The following OR51B5 variants were observed in gnomAD, a reference collection of about 807,000 sequenced individuals.
The protein encoded by OR51B5 is olfactory receptor family 51 subfamily B member 5, also known as olfactory receptor 51B5.
For synonymous variants in OR51B5, 186 were observed against 144.8 expected, an observed-to-expected ratio of 1.28 and a Z score of -2.04; for missense variants, 456 against 374.6, an observed-to-expected ratio of 1.22 and a Z score of -1.79.
At chr11:5,484,880 C>G (rs1851478056) in intron 1 of OR51B5, among the ~76,000 whole-genome samples, 3 of 152,136 alleles carry the variant, frequency 2.0e-5, no homozygotes, top group Non-Finnish European at 2.9e-5. Context: ...GAGAATAAAC[C>G]TGCCTTTTAA....
intron 1 of OR51B5, among the ~76,000 whole-genome samples, chr11:5,408,554 C>T (rs1177129306): frequency 6.6e-6 from 1 of 152,136 alleles, no homozygotes; most frequent in Non-Finnish European, 1.5e-5. Flanking sequence ...TGGTCTGGTG[C>T]TATTAGCTAG....
chr11:5,495,538 T>C (rs1453230827), intron 1 of OR51B5, among the ~76,000 whole-genome samples: 1 of 152,214 alleles, frequency 6.6e-6, no homozygotes, highest in Non-Finnish European at 1.5e-5. Context: ...AATAGACTCA[T>C]GTTTTATGCA....
At chr11:5,418,743 G>A (rs1057224183) in intron 1 of OR51B5, among the ~76,000 whole-genome samples, 1 of 151,994 alleles carries the variant, frequency 6.6e-6, no homozygotes, top group South Asian at 2.1e-4. Context: ...TGGGGGGTTA[G>A]GGGAGGGATA....
chr11:5,361,193 T>C (rs543795923), intron 1 of OR51B5, among the ~76,000 whole-genome samples: 4 of 152,272 alleles, frequency 2.6e-5, no homozygotes, highest in African/African-American at 9.6e-5. Flanking sequence ...CCTCCCTACA[T>C]TTTCTTTTCT....
chr11:5,373,626 G>A (rs7124299), intron 1 of OR51B5, among the ~76,000 whole-genome samples: 40,745 of 151,956 alleles, frequency 0.27, 5,731 homozygotes, highest in African/African-American at 0.32. Flanking sequence ...ACTCCCACCC[G>A]AATACTGTGC....
At chr11:5,389,949 T>C (rs1849767668) in intron 1 of OR51B5, 1 of 1,611,448 alleles carries the variant, frequency 6.2e-7, no homozygotes, top group South Asian at 1.1e-5. Context: ...TGTGGATCTG[T>C]GGTCCTCTCC....
intron 1 of OR51B5, among the ~76,000 whole-genome samples, chr11:5,348,980 G>T (rs1300205950): frequency 1.3e-5 from 2 of 152,154 alleles, no homozygotes; most frequent in Non-Finnish European, 2.9e-5. Flanking sequence ...GAGAATATAT[G>T]AAAGTTAACA....
At chr11:5,363,856 C>G (rs1047021521) in intron 1 of OR51B5, among the ~76,000 whole-genome samples, 1 of 152,170 alleles carries the variant, frequency 6.6e-6, no homozygotes, top group Non-Finnish European at 1.5e-5. Context: ...ATTATGTTCC[C>G]TAGCTGTCTT....
intron 1 of OR51B5, chr11:5,468,627 G>A: frequency 4.4e-6 from 2 of 455,630 alleles, no homozygotes; most frequent in Non-Finnish European, 4.4e-6. Flanking sequence ...CTCCCAAATC[G>A]ATGAACCATG....
At chr11:5,444,046 T>C (rs1453894059) in intron 1 of OR51B5, among the ~76,000 whole-genome samples, 1 of 152,222 alleles carries the variant, frequency 6.6e-6, no homozygotes, top group Non-Finnish European at 1.5e-5. Flanking sequence ...ATTGGTATTA[T>C]GCAATATATT....
At chr11:5,352,716 T>C (rs556603770) in intron 1 of OR51B5, among the ~76,000 whole-genome samples, 7 of 151,962 alleles carry the variant, frequency 4.6e-5, no homozygotes, top group African/African-American at 1.7e-4. Context: ...TCACATTGTT[T>C]GATTAGCTTA....
At chr11:5,483,487 C>T (rs568640443) in intron 1 of OR51B5, among the ~76,000 whole-genome samples, 86 of 125,712 alleles carry the variant, frequency 6.8e-4, no homozygotes, top group African/African-American at 2.7e-3. Context: ...TGCACATGTA[C>T]CCTAAAACTT....
intron 1 of OR51B5, among the ~76,000 whole-genome samples, chr11:5,457,901 C>T (rs963850149): frequency 5.3e-5 from 8 of 152,156 alleles, no homozygotes; most frequent in Non-Finnish European, 7.3e-5. Context: ...TATTCACTCC[C>T]ATTCTGTATG....
chr11:5,486,290 T>C (rs1036956487), intron 1 of OR51B5, among the ~76,000 whole-genome samples: 1 of 152,194 alleles, frequency 6.6e-6, no homozygotes, highest in Non-Finnish European at 1.5e-5. Flanking sequence ...ACATATATTT[T>C]ACTTCTGCAT....
intron 1 of OR51B5, chr11:5,440,761 C>A (rs1498486): frequency 0.51 from 817,758 of 1,613,570 alleles, 216,856 homozygotes; most frequent in Non-Finnish European, 0.55. Flanking sequence ...ACATAAAAGG[C>A]CAGCACTGCA....
chr11:5,358,942 A>G (rs1056521628), intron 1 of OR51B5, among the ~76,000 whole-genome samples: 27 of 151,812 alleles, frequency 1.8e-4, no homozygotes, highest in African/African-American at 6.3e-4. Flanking sequence ...AAAATTCAAC[A>G]ACCCTTCATG....
At chr11:5,500,781 A>T (rs1199198618) in intron 1 of OR51B5, among the ~76,000 whole-genome samples, 1 of 148,150 alleles carries the variant, frequency 6.7e-6, no homozygotes, top group African/African-American at 2.4e-5. Context: ...AACGACCTTC[A>T]TATACTTCTC....
chr11:5,497,554 C>G (rs1851667758), intron 1 of OR51B5, among the ~76,000 whole-genome samples: 1 of 152,150 alleles, frequency 6.6e-6, no homozygotes, highest in Non-Finnish European at 1.5e-5. Flanking sequence ...CTACCAGGAT[C>G]TCCTCAGGTA....
intron 1 of OR51B5, among the ~76,000 whole-genome samples, chr11:5,358,575 C>G (rs561879747): frequency 1.3e-5 from 2 of 152,192 alleles, no homozygotes; most frequent in African/African-American, 4.8e-5. Context: ...CAAGGAGGAG[C>G]TGGTACCATT....
Sources: allele counts gnomAD v4.1 joint callset (sites outside exome capture counted in the v4.1 genomes callset), GRCh38; gene constraint gnomAD v4.1.1; transcripts MANE v1.5; gene names NCBI Gene and HGNC (gene_info 2026-07-23, HGNC 2026-07-21).